SCAMP4: variants seen among roughly 807,000 people sequenced by gnomAD.
SCAMP4 encodes the protein secretory carrier-associated membrane protein 4.
SCAMP4 carries 19 observed loss-of-function variants against 32.1 expected under a neutral mutation model. The ratio of observed to expected loss-of-function variants is 0.59; its 90% confidence interval spans 0.41 to 0.87. The LOEUF (loss-of-function observed/expected upper bound fraction) is 0.87, where lower values mean the gene tolerates loss of function less well. Ranked by LOEUF, SCAMP4 falls within the 40% of genes least tolerant of loss-of-function variation. The pLI is 0.00. For synonymous variants in SCAMP4, 152 were observed against 132.7 expected, an observed-to-expected ratio of 1.15 and a Z score of -1.00; for missense variants, 302 against 309.0, an observed-to-expected ratio of 0.98 and a Z score of 0.17.
At chr19:1,921,149 T>G in intron 5 of SCAMP4, 1 of 985,256 alleles carries the variant, frequency 1.0e-6, no homozygotes, top group East Asian at 1.1e-4. Flanking sequence ...TGCGCTGCTG[T>G]GGGGCGAGAG....
chr19:1,921,797 T>A (rs1026717498), intron 5 of SCAMP4: 1 of 982,782 alleles, frequency 1.0e-6, no homozygotes, highest in Non-Finnish European at 1.2e-6. Context: ...CTGGGCAACA[T>A]AGGGAGAAAC....
At position 1,923,065 on chromosome 19, in the gene SCAMP4, T is replaced by G. The variant is rs1010180334; in HGVS notation, c.396-5T>G. The G allele has an allele frequency of 7.1e-6, 11 of 1,547,094 alleles. No homozygotes were observed. The highest frequency in any genetic ancestry group is 9.6e-6 in the Non-Finnish European group (11 of 1,144,920). On this transcript the variant is annotated splice_region_variant and splice_polypyrimidine_tract_variant and intron_variant, in intron 5 of 6. Transcript: ENST00000316097. ...GGCACCCACGCACTCTCTTGTCCCT[T>G]GCAGCGGCTGGCTGTCGGCAATTGG...
At position 1,915,045 on chromosome 19, in the gene SCAMP4, G is replaced by A; in HGVS notation, c.7+19G>A. The A allele has an allele frequency of 6.2e-7, 1 of 1,613,668 alleles. No homozygotes were observed. Among genetic ancestry groups the A allele is most frequent in the African/African-American group, 1.3e-5 (1 of 75,000 alleles). On this transcript the variant is annotated intron_variant, in intron 2 of 6. Transcript: ENST00000316097. ...ATGTCAGGTGAGTCCTGCCTGCCTG[G>A]GAGCCTCCAGCAGCGTGGGCGGGAG...
chr19:1,917,866 C>A (rs773255649), intron 3 of SCAMP4, 44 bp downstream of exon 3: 1 of 1,609,884 alleles, frequency 6.2e-7, no homozygotes, highest in Non-Finnish European at 8.5e-7. Context: ...GGAGGCAGGG[C>A]TCCCCGAGGG....
At chr19:1,913,072 G>A in intron 1 of SCAMP4, 13 of 1,601,934 alleles carry the variant, frequency 8.1e-6, no homozygotes, top group Non-Finnish European at 1.1e-5. Context: ...ATCCACGCAC[G>A]GCCCGACCTC....
intron 6 of SCAMP4, 78 bp from the exon 7 acceptor site, chr19:1,924,030 G>T: frequency 8.2e-7 from 1 of 1,212,330 alleles, no homozygotes. Context: ...GAAGTGCTGG[G>T]ATGACAGGCG....
At chr19:1,914,019 G>T (rs1431851512) in intron 1 of SCAMP4, among the ~76,000 whole-genome samples, 1 of 152,204 alleles carries the variant, frequency 6.6e-6, no homozygotes, top group Non-Finnish European at 1.5e-5. Flanking sequence ...CCGTGCCTGG[G>T]GGTGGGACTG....
Position 1,908,507 on chromosome 19 carries a change from AG to A in SCAMP4, c.-42+3069del. The A allele has an allele frequency of 2.1e-6, 1 of 471,052 alleles. No individual in the cohort carries two copies. The highest frequency in any genetic ancestry group is 4.4e-6 in the Non-Finnish European group (1 of 226,998). 29.2% of individuals were successfully genotyped at this position (471,052 alleles called of 1,614,324 possible). A position where few individuals can be genotyped will look rare whatever the true frequency, so the allele number is the denominator to read the frequency against. On this transcript the variant is annotated intron_variant, in intron 1 of 6. Coordinates refer to ENST00000316097, the MANE Select transcript of SCAMP4 (RefSeq NM_079834.4). The surrounding 1 kb of genome is among the most constrained non-coding windows in gnomAD (Gnocchi z 4.2). ...GTCTGCGGGAGGAGCCGTCCATACC[AG>A]CGGGGATGTGTAGTCCAGGCTGGCA...
chr19:1,915,313 G>A (rs553603113), intron 2 of SCAMP4: 15 of 532,370 alleles, frequency 2.8e-5, no homozygotes, highest in East Asian at 1.6e-4. Context: ...AGCAGCGGGC[G>A]TGTTCTCATG....
chr19:1,910,699 C>T (rs1049418206), intron 1 of SCAMP4, among the ~76,000 whole-genome samples: 1 of 150,432 alleles, frequency 6.6e-6, no homozygotes, highest in Non-Finnish European at 1.5e-5. Context: ...GCCTCAGCTT[C>T]CTGAGTAGCT....
At chr19:1,917,670 T>C in intron 2 of SCAMP4, 24 bp from the exon 3 acceptor site, 1 of 1,613,656 alleles carries the variant, frequency 6.2e-7, no homozygotes, top group South Asian at 1.1e-5. Context: ...TCTGGTTCTG[T>C]CCGTGGGTTC....
rs368760580 is a variant in SCAMP4 at position 1,923,118 on chromosome 19, C to T, written c.444C>T (p.Ala148=). The T allele has an allele frequency of 3.6e-4, 566 of 1,552,996 alleles. 2 individuals are homozygous for T. The African/African-American group carries it at 4.3e-3, about 12-fold the overall frequency. The change falls in exon 6 of 7, where the codon GCC becomes GCT. Residue 148 remains alanine (A), a synonymous_variant. Transcript: ENST00000316097. ...TCTTCCAGTACAGCCCGGGCGCTGCCGTGGTCATGCTGCTTCCAGCCATCA... is the reference window on the plus strand; with the variant it reads ...TCTTCCAGTACAGCCCGGGCGCTGCTGTGGTCATGCTGCTTCCAGCCATCA... ...IGFFQYSPGA[A]VVMLLPAIMF... is the part of the protein sequence containing the mutation.
In SCAMP4 at chr19:1,905,437, C is replaced by T; in HGVS notation, c.-44C>T. 2.2e-6 allele frequency: 1 copy of T among 462,874 alleles called. No individual in the cohort carries two copies. The highest frequency in any genetic ancestry group is 4.5e-6 in the Non-Finnish European group (1 of 223,372). 28.7% of individuals were successfully genotyped at this position (462,874 alleles called of 1,614,324 possible). A position where few individuals can be genotyped will look rare whatever the true frequency, so the allele number is the denominator to read the frequency against. ...GCGCTGCGCTCGCGCCCGGATCCCT[C>T]AGGTAAGCGCGCGGCCCCGAGGTCT... is the stretch of plus-strand genomic sequence containing the variant. On this transcript the variant is annotated splice_region_variant and 5_prime_UTR_variant, in exon 1 of 7. Transcript: ENST00000316097.
intron 5 of SCAMP4, chr19:1,921,493 GC>G (rs1568774384): frequency 1.0e-6 from 1 of 985,304 alleles, no homozygotes; most frequent in East Asian, 1.1e-4. Flanking sequence ...ATCAGCGGGC[GC>G]CGCAGCCTCT....
Position 1,922,098 on chromosome 19 carries a change from GTGGTT to G in SCAMP4, c.396-970_396-966del, listed in dbSNP as rs2013938687. 3 of 985,326 alleles carry G rather than the reference GTGGTT, an allele frequency of 3.0e-6. No homozygotes were observed. In the East Asian group the frequency reaches 3.4e-4, roughly 112 times the overall value. 61.0% of individuals were successfully genotyped at this position (985,326 alleles called of 1,614,324 possible). A position where few individuals can be genotyped will look rare whatever the true frequency, so the allele number is the denominator to read the frequency against. On this transcript the variant is annotated intron_variant, in intron 5 of 6. Transcript: ENST00000316097. ...TTAAGTTCCCTGAATTTTAAACCCT[GTGGTT>G]TCATCACCTGTTAAGACAAAAATCT... is the stretch of plus-strand genomic sequence containing the variant.
intron 5 of SCAMP4, 109 bp from the exon 6 acceptor site, chr19:1,922,961 C>T: frequency 7.2e-7 from 1 of 1,392,392 alleles, no homozygotes; most frequent in East Asian, 2.8e-5. Context: ...GAGCTGTCCA[C>T]TCCTTGTTGA....
chr19:1,917,663 G>C (rs2013776785), intron 2 of SCAMP4, 31 bp from the exon 3 acceptor site: 2 of 1,613,398 alleles, frequency 1.2e-6, no homozygotes, highest in South Asian at 2.2e-5. Context: ...GACAAAGTCT[G>C]GTTCTGTCCG....
intron 1 of SCAMP4, chr19:1,913,041 G>A (rs1327496729): frequency 4.4e-6 from 7 of 1,603,724 alleles, no homozygotes; most frequent in Admixed American, 3.3e-5. Flanking sequence ...GCCCGACGGC[G>A]CCCTGGGCAC....
intron 1 of SCAMP4, among the ~76,000 whole-genome samples, chr19:1,909,179 T>TG (rs771326236): frequency 1.5e-4 from 22 of 145,042 alleles, no homozygotes; most frequent in Non-Finnish European, 2.4e-4. Flanking sequence ...TGCGAGTCTG[T>TG]GGGGGCAGAT....
Sources: gnomAD v4.1 joint callset for allele counts (sites outside exome capture counted in the v4.1 genomes callset) on GRCh38, gnomAD v4.1.1 for gene constraint, Gnocchi (gnomAD v3.1) non-coding constraint, MANE v1.5 for transcripts, NCBI Gene and HGNC (gene_info 2026-07-23, HGNC 2026-07-21) for gene names.